SPATS2L: variants seen among roughly 807,000 people sequenced by gnomAD.
SPATS2L encodes spermatogenesis associated serine rich 2 like, also known as SPATS2-like protein.
A neutral mutation model predicts 59.6 loss-of-function variants in SPATS2L; 30 were observed. The observed-to-expected ratio is 0.50, with a 90% CI of 0.38 to 0.68. SPATS2L has a LOEUF of 0.68. SPATS2L is among the 30% of genes least tolerant of loss of function. SPATS2L has a pLI of 0.00. For synonymous variants in SPATS2L, 252 were observed against 263.5 expected, an observed-to-expected ratio of 0.96 and a Z score of 0.42; for missense variants, 615 against 700.0, an observed-to-expected ratio of 0.88 and a Z score of 1.37.
intron 6 of SPATS2L, among the ~76,000 whole-genome samples, chr2:200,430,476 C>A (rs1190275491): frequency 6.6e-6 from 1 of 151,280 alleles, no homozygotes; most frequent in African/African-American, 2.4e-5. Flanking sequence ...CAGAAACAAC[C>A]ACCGTTAAAT....
chr2:200,481,127 A>C lies in SPATS2L; in HGVS notation c.*3096A>C, dbSNP rs1253011536. 1 of 152,224 alleles carries C rather than the reference A, an allele frequency of 6.6e-6. No individual in the cohort carries two copies. The highest frequency in any genetic ancestry group is 1.9e-4 in the East Asian group (1 of 5,200). 9.4% of individuals were successfully genotyped at this position (152,224 alleles called of 1,614,324 possible). On this transcript the variant is annotated 3_prime_UTR_variant, in exon 13 of 13. Transcript: ENST00000409140. ...GTTGATCCTATTCTAGAAGTGCTTA[A>C]TGCAGCAAGACACAGAAAGTTAAAC...
intron 2 of SPATS2L, among the ~76,000 whole-genome samples, chr2:200,358,764 G>A (rs922766831): frequency 2.0e-4 from 31 of 152,178 alleles, no homozygotes; most frequent in African/African-American, 7.5e-4. Context: ...AAGGCAGGAG[G>A]ATCACTTGAG....
At chr2:200,383,786 G>A in intron 2 of SPATS2L, 1 of 588,770 alleles carries the variant, frequency 1.7e-6, no homozygotes, top group Non-Finnish European at 2.2e-6. Flanking sequence ...GGGAAATTTT[G>A]CATTAATAAC....
chr2:200,397,675 C>T (rs577909434), intron 3 of SPATS2L, among the ~76,000 whole-genome samples: 1 of 151,354 alleles, frequency 6.6e-6, no homozygotes, highest in South Asian at 2.1e-4. Context: ...GACTTTGTGC[C>T]CCCCAAATAT....
At chr2:200,464,770 C>T (rs1031604733) in intron 9 of SPATS2L, among the ~76,000 whole-genome samples, 1 of 52,866 alleles carries the variant, frequency 1.9e-5, no homozygotes, top group African/African-American at 3.2e-5. Context: ...TGAGCCACTG[C>T]GCCTGGCAAC....
chr2:200,337,831 A>T (rs2080192574), intron 2 of SPATS2L, among the ~76,000 whole-genome samples: 1 of 152,232 alleles, frequency 6.6e-6, no homozygotes, highest in Admixed American at 6.5e-5. Flanking sequence ...ATATTCAGCT[A>T]GCCCCATAAT....
chr2:200,416,572 C>T lies in SPATS2L; in HGVS notation c.198+144C>T, dbSNP rs182438106. On this transcript the variant is annotated intron_variant, in intron 5 of 12. Transcript: ENST00000409140. ...AGAAAGCTTCCAAATTCATGACTCT[C>T]GGAAATTAGCAGATACTCTCAGATA... 1.9e-4 allele frequency: 80 copies of T among 411,430 alleles called. No individual in the cohort carries two copies. In the East Asian group the frequency reaches 2.5e-3, roughly 13 times the overall value. 25.5% of individuals were successfully genotyped at this position (411,430 alleles called of 1,614,324 possible). A position where few individuals can be genotyped will look rare whatever the true frequency, so the allele number is the denominator to read the frequency against.
chr2:200,409,016 G>A (rs533770841), intron 3 of SPATS2L, among the ~76,000 whole-genome samples: 1 of 152,362 alleles, frequency 6.6e-6, no homozygotes, highest in East Asian at 1.9e-4. Context: ...AACAGCGGCC[G>A]CCTGGTGGGA....
chr2:200,415,934 C>CAGAGAA (rs142248128), intron 4 of SPATS2L, among the ~76,000 whole-genome samples: 1 of 151,972 alleles, frequency 6.6e-6, no homozygotes, highest in Non-Finnish European at 1.5e-5. Context: ...TGAATAGGGA[C>CAGAGAA]AGAGAAAGAG....
At chr2:200,311,943 G>A (rs1280254658) in intron 1 of SPATS2L, among the ~76,000 whole-genome samples, 1 of 152,186 alleles carries the variant, frequency 6.6e-6, no homozygotes, top group Non-Finnish European at 1.5e-5. Flanking sequence ...GAAGGGTGCT[G>A]TGAGTGAATT....
At chr2:200,331,827 C>A (rs1002074861) in intron 2 of SPATS2L, among the ~76,000 whole-genome samples, 3 of 152,230 alleles carry the variant, frequency 2.0e-5, no homozygotes, top group Admixed American at 6.5e-5. Flanking sequence ...CAGTGGTCGA[C>A]CAGAGGCAGA....
At position 200,416,440 on chromosome 2, in the gene SPATS2L, A is replaced by T. The variant is rs1415573992; in HGVS notation, c.198+12A>T. On this transcript the variant is annotated intron_variant, in intron 5 of 12. Transcript: ENST00000409140. ...CAGGAAAAAAGAAGGTAAGATTAAT[A>T]TTGATTGTAAATTGGTAACATCTTC... The T allele has an allele frequency of 7.2e-7, 1 of 1,379,356 alleles. No homozygotes were observed. Among genetic ancestry groups the T allele is most frequent in the Admixed American group, 2.3e-5 (1 of 42,636 alleles). The allele number at this position is 1,379,356 out of a possible 1,614,324, so 85.4% of individuals were successfully genotyped here. A position where few individuals can be genotyped will look rare whatever the true frequency, so the allele number is the denominator to read the frequency against.
At chr2:200,350,069 C>T (rs1022750876) in intron 2 of SPATS2L, among the ~76,000 whole-genome samples, 2 of 152,182 alleles carry the variant, frequency 1.3e-5, no homozygotes, top group Non-Finnish European at 2.9e-5. Flanking sequence ...TGCCTGGGGT[C>T]TCAGCCTCTT....
intron 6 of SPATS2L, among the ~76,000 whole-genome samples, chr2:200,424,055 G>C (rs2083421992): frequency 6.6e-6 from 1 of 152,186 alleles, no homozygotes; most frequent in African/African-American, 2.4e-5. Context: ...TAGAAGTTTA[G>C]GAGTATGTTT....
intron 10 of SPATS2L, among the ~76,000 whole-genome samples, chr2:200,468,347 T>TACACACAGACACACACACACACACAC (rs2086748658): frequency 9.1e-6 from 1 of 110,082 alleles, no homozygotes; most frequent in African/African-American, 3.2e-5. Context: ...CCCAGTATAC[T>TACACACAGACACACACACACACACAC]ACACACACAC....
intron 2 of SPATS2L, among the ~76,000 whole-genome samples, chr2:200,351,684 C>T (rs1422847389): frequency 6.6e-6 from 1 of 151,886 alleles, no homozygotes; most frequent in East Asian, 1.9e-4. Flanking sequence ...TCACTCCTCC[C>T]TTCAGTAGCG....
At chr2:200,328,528 CAG>C (rs2079830165) in intron 1 of SPATS2L, among the ~76,000 whole-genome samples, 1 of 152,112 alleles carries the variant, frequency 6.6e-6, no homozygotes, top group East Asian at 1.9e-4. Context: ...GAAGGTCACC[CAG>C]AGAGTTGGTG....
chr2:200,383,471 G>C (rs942383803), intron 2 of SPATS2L, among the ~76,000 whole-genome samples: 1 of 152,080 alleles, frequency 6.6e-6, no homozygotes, highest in Non-Finnish European at 1.5e-5. Context: ...CTTTAGACTA[G>C]CCACATTCAA....
intron 3 of SPATS2L, among the ~76,000 whole-genome samples, chr2:200,392,437 T>C (rs1315701472): frequency 6.6e-6 from 1 of 152,196 alleles, no homozygotes; most frequent in Non-Finnish European, 1.5e-5. Context: ...ATCTCTTCTC[T>C]CTTGTGTTCA....
Sources: allele counts gnomAD v4.1 joint callset (sites outside exome capture counted in the v4.1 genomes callset), GRCh38; gene constraint gnomAD v4.1.1; transcripts MANE v1.5; gene names NCBI Gene and HGNC (gene_info 2026-07-23, HGNC 2026-07-21).